CPXM2: variants seen among roughly 807,000 people sequenced by gnomAD.
CPXM2 encodes carboxypeptidase X, M14 family member 2, also known as inactive carboxypeptidase-like protein X2.
In CPXM2, 66 loss-of-function variants were observed where a neutral mutation model predicts 86.1. The observed-to-expected ratio is 0.77, with a 90% CI of 0.63 to 0.94. CPXM2 has a LOEUF of 0.94. Ranked by LOEUF, CPXM2 falls within the 40% of genes least tolerant of loss-of-function variation. The pLI, the probability that CPXM2 is intolerant of heterozygous loss-of-function variation, is 0.00. For missense variants in CPXM2, 948 were observed against 1,026.3 expected, an observed-to-expected ratio of 0.92 and a Z score of 1.04; for synonymous variants, 388 against 400.2, an observed-to-expected ratio of 0.97 and a Z score of 0.36.
intron 3 of CPXM2, among the ~76,000 whole-genome samples, chr10:123,854,760 AG>A (rs1848684061): frequency 6.6e-6 from 1 of 151,996 alleles, no homozygotes; most frequent in Admixed American, 6.6e-5. Flanking sequence ...GTACACAGGT[AG>A]GATGACCGTC....
At chr10:123,936,969 G>A (rs66526375) in intron 2 of CPXM2, among the ~76,000 whole-genome samples, 33,258 of 152,134 alleles carry the variant, frequency 0.22, 4,460 homozygotes, top group African/African-American at 0.37. Context: ...CTGGAAGGCC[G>A]GGGTAGGGGG....
chr10:123,921,436 C>A (rs541656737), intron 2 of CPXM2, among the ~76,000 whole-genome samples: 1 of 152,332 alleles, frequency 6.6e-6, no homozygotes, highest in East Asian at 1.9e-4. Flanking sequence ...CACTGCTTCA[C>A]AATTGATAAA....
intron 4 of CPXM2, among the ~76,000 whole-genome samples, chr10:123,814,279 C>T (rs187289170): frequency 1.3e-5 from 2 of 152,274 alleles, no homozygotes; most frequent in East Asian, 3.9e-4. Context: ...GGGGCCAATG[C>T]AGCTAGAATA....
chr10:123,925,598 T>C (rs1323442125), intron 2 of CPXM2, among the ~76,000 whole-genome samples: 2 of 152,242 alleles, frequency 1.3e-5, no homozygotes, highest in Admixed American at 1.3e-4. Flanking sequence ...GTAAGTTGCA[T>C]ACATCCAACA....
At chr10:123,919,452 T>C (rs995131630) in intron 2 of CPXM2, among the ~76,000 whole-genome samples, 10 of 151,796 alleles carry the variant, frequency 6.6e-5, no homozygotes, top group Non-Finnish European at 1.3e-4. Flanking sequence ...GATTTTGGCA[T>C]TATCAGACAA....
chr10:123,919,689 G>GTTGCTTT (rs1564822598), intron 2 of CPXM2, among the ~76,000 whole-genome samples: 1 of 152,222 alleles, frequency 6.6e-6, no homozygotes, highest in East Asian at 1.9e-4. Context: ...TTGAAGACAA[G>GTTGCTTT]TTGCTTTGTC....
chr10:123,831,082 TA>T (rs1208621564), intron 4 of CPXM2, among the ~76,000 whole-genome samples: 1 of 152,190 alleles, frequency 6.6e-6, no homozygotes, highest in Non-Finnish European at 1.5e-5. Context: ...GGAAATGCTG[TA>T]AACTTAGAAA....
chr10:123,800,497 A>T (rs1847434012), intron 4 of CPXM2, among the ~76,000 whole-genome samples: 1 of 152,116 alleles, frequency 6.6e-6, no homozygotes, highest in Non-Finnish European at 1.5e-5. Flanking sequence ...CCAAAATAGC[A>T]ACCTGTTTCC....
chr10:123,751,580 T>A, intron 13 of CPXM2: 2 of 985,348 alleles, frequency 2.0e-6, no homozygotes, highest in Non-Finnish European at 2.4e-6. Flanking sequence ...AGGACAGGCA[T>A]GTGGAACGGT....
intron 2 of CPXM2, among the ~76,000 whole-genome samples, chr10:123,870,391 G>A (rs182441354): frequency 3.5e-4 from 54 of 152,324 alleles, no homozygotes; most frequent in Middle Eastern, 3.4e-3. Flanking sequence ...TACTGTGATC[G>A]CCTCAAGACG....
At chr10:123,795,627 T>G (rs181682146) in intron 6 of CPXM2, among the ~76,000 whole-genome samples, 1 of 152,160 alleles carries the variant, frequency 6.6e-6, no homozygotes, top group South Asian at 2.1e-4. Context: ...TGCCCCATCC[T>G]TGGACATGAT....
chr10:123,875,389 C>G (rs1590089656), intron 2 of CPXM2, among the ~76,000 whole-genome samples: 1 of 152,292 alleles, frequency 6.6e-6, no homozygotes, highest in Admixed American at 6.5e-5. Flanking sequence ...CCCCTCACCT[C>G]CCCTGTCACT....
At chr10:123,841,086 C>T (rs755766082) in intron 4 of CPXM2, among the ~76,000 whole-genome samples, 2 of 152,186 alleles carry the variant, frequency 1.3e-5, no homozygotes, top group African/African-American at 2.4e-5. Flanking sequence ...CTAATGTTCA[C>T]GCGTGGGGCA....
At chr10:123,854,374 A>AATATATATATATATAAAAAT (rs1325822716) in intron 3 of CPXM2, among the ~76,000 whole-genome samples, 1 of 83,084 alleles carries the variant, frequency 1.2e-5, no homozygotes, top group Non-Finnish European at 2.4e-5. Flanking sequence ...ATATATATAT[A>AATATATATATATATAAAAAT]ATATATATAT....
chr10:123,912,008 C>A (rs748719674), intron 2 of CPXM2, among the ~76,000 whole-genome samples: 1 of 152,122 alleles, frequency 6.6e-6, no homozygotes, highest in South Asian at 2.1e-4. Context: ...GAAGGAGGGG[C>A]AAACTTGGAA....
intron 3 of CPXM2, among the ~76,000 whole-genome samples, chr10:123,847,765 A>G (rs1283044756): frequency 6.6e-6 from 1 of 152,176 alleles, no homozygotes; most frequent in Non-Finnish European, 1.5e-5. Flanking sequence ...TGATTCTTTC[A>G]TTTTTCAGGT....
chr10:123,925,195 A>ACCCCACTATGC, intron 2 of CPXM2, among the ~76,000 whole-genome samples: 1 of 152,116 alleles, frequency 6.6e-6, no homozygotes, highest in Admixed American at 6.5e-5. Context: ...AATCTGCTAG[A>ACCCCACTATGC]TTTTCCACTG....
intron 2 of CPXM2, among the ~76,000 whole-genome samples, chr10:123,923,442 G>A (rs565569481): frequency 4.6e-5 from 7 of 150,576 alleles, no homozygotes; most frequent in East Asian, 4.0e-4. Flanking sequence ...TTAGCCGGGC[G>A]TGGTGGCGGG....
intron 2 of CPXM2, among the ~76,000 whole-genome samples, chr10:123,868,914 T>C (rs1944844469): frequency 6.6e-6 from 1 of 152,196 alleles, no homozygotes; most frequent in Non-Finnish European, 1.5e-5. Context: ...CCATCGACTT[T>C]AAATTCTCAA....
Sources: gnomAD v4.1 joint callset for allele counts (sites outside exome capture counted in the v4.1 genomes callset) on GRCh38, gnomAD v4.1.1 for gene constraint, MANE v1.5 for transcripts, NCBI Gene and HGNC (gene_info 2026-07-23, HGNC 2026-07-21) for gene names.